Variants in JADE3 observed in about 807,000 individuals in gnomAD.
JADE3 encodes protein Jade-3.
In JADE3, 2 loss-of-function variants were observed where a neutral mutation model predicts 50.1. That is an observed-to-expected ratio of 0.04 (90% CI 0.02 to 0.13). The LOEUF is 0.13. JADE3 is among the 10% of genes least tolerant of loss of function. The probability of loss-of-function intolerance (pLI) is 1.00; values close to 1 mark genes in which losing one functional copy is unlikely to be tolerated. For missense variants in JADE3, 475 were observed against 634.4 expected (o/e 0.75, Z 2.70); for synonymous variants, 218 against 232.9 (o/e 0.94, Z 0.58).
intron 1 of JADE3, among the ~76,000 whole-genome samples, chrX:46,983,746 A>G (rs1291769345): frequency 9.0e-6 from 1 of 111,601 alleles, no homozygotes; most frequent in Non-Finnish European, 1.9e-5. Flanking sequence ...TAAGTACTTC[A>G]TTTGCTGTAT....
chrX:47,044,892 G>A (rs782385389), intron 8 of JADE3, among the ~76,000 whole-genome samples: 2 of 111,223 alleles, frequency 1.8e-5, no homozygotes, highest in Admixed American at 9.6e-5. Context: ...GATATTATCC[G>A]CAAGGCCCAT....
intron 1 of JADE3, among the ~76,000 whole-genome samples, chrX:46,923,393 C>CTCTCTCTTTTTTTTTTTTTTTTTTT (rs1556338199): frequency 8.7e-5 from 1 of 11,522 alleles, no homozygotes; most frequent in Non-Finnish European, 2.0e-4. Context: ...CTCTCTCTCT[C>CTCTCTCTTTTTTTTTTTTTTTTTTT]TTTTTTTTTT....
chrX:46,985,984 G>A lies in JADE3; in HGVS notation c.126+192G>A, dbSNP rs1927853831. Among the ~76,000 whole-genome samples the A allele has an allele frequency of 2.7e-5, 3 of 110,814 alleles. No individual in the cohort carries two copies. The South Asian group carries it at 1.2e-3, about 43-fold the overall frequency. Reference sequence around the variant, plus strand: ...GGGGGGTAAGTGAGTTTTTCACTCCGTTAGTTCCCTTCAGAGCTGGTTGTT... The same window carrying A: ...GGGGGGTAAGTGAGTTTTTCACTCCATTAGTTCCCTTCAGAGCTGGTTGTT... On this transcript the variant is annotated intron_variant, in intron 3 of 10. Coordinates refer to ENST00000614628, the MANE Select transcript of JADE3 (RefSeq NM_014735.5).
intron 1 of JADE3, among the ~76,000 whole-genome samples, chrX:46,958,589 A>G (rs191359870): frequency 1.0e-3 from 113 of 111,628 alleles, no homozygotes; most frequent in African/African-American, 3.5e-3. Flanking sequence ...AATTTTCTCA[A>G]TAAATGAGTG....
intron 1 of JADE3, among the ~76,000 whole-genome samples, chrX:46,948,420 T>G: frequency 8.9e-6 from 1 of 112,150 alleles, no homozygotes; most frequent in East Asian, 2.8e-4. Context: ...AAATTCTGCC[T>G]GTGTAAAGGA....
intron 4 of JADE3, among the ~76,000 whole-genome samples, chrX:47,002,258 C>T (rs192763444): frequency 9.0e-6 from 1 of 111,146 alleles, no homozygotes; most frequent in East Asian, 2.8e-4. Context: ...AATGCGTGAA[C>T]CATTTTGAAT....
At chrX:47,038,335 T>C (rs782297169) in intron 7 of JADE3, among the ~76,000 whole-genome samples, 22 of 111,066 alleles carry the variant, frequency 2.0e-4, no homozygotes, top group Non-Finnish European at 3.4e-4. Context: ...CTGGATAATA[T>C]GGTAGCTCTA....
chrX:47,049,168 C>T (rs1446944940), intron 8 of JADE3, among the ~76,000 whole-genome samples: 1 of 102,182 alleles, frequency 9.8e-6, no homozygotes, highest in Non-Finnish European at 2.0e-5. Flanking sequence ...ATCTGACTGG[C>T]ACCTTTCTTC....
intron 1 of JADE3, among the ~76,000 whole-genome samples, chrX:46,977,042 G>C (rs1927642240): frequency 8.9e-6 from 1 of 111,908 alleles, no homozygotes; most frequent in Admixed American, 9.5e-5. Context: ...CATACAAAAA[G>C]CTGTACATAG....
intron 9 of JADE3, among the ~76,000 whole-genome samples, chrX:47,055,771 T>C (rs1757347972): frequency 8.9e-6 from 1 of 112,424 alleles, no homozygotes; most frequent in African/African-American, 3.2e-5. Context: ...AAGGGAAGGC[T>C]GAATTGTTAA....
chrX:47,028,097 G>A lies in JADE3; in HGVS notation c.681G>A (p.Val227=). The change falls in exon 6 of 11, where the codon GTG becomes GTA. Residue 227 remains valine, a synonymous_variant. Transcript: ENST00000614628. The stretch of plus-strand genomic sequence containing the variant: ...TCTGTGATAAGTGTAACGTCTGTGT[G>A]CATCAGGTTAGTGAGAGTGGAGACC... ...MVFCDKCNVC[V]HQACYGILKV... is the part of the protein sequence containing the mutation. 8.4e-7 allele frequency: 1 copy of A among 1,196,224 alleles called. No individual in the cohort carries two copies. The highest frequency in any genetic ancestry group is 1.1e-6 in the Non-Finnish European group (1 of 881,918).
chrX:46,933,946 G>A (rs187455140), intron 1 of JADE3, among the ~76,000 whole-genome samples: 94 of 111,072 alleles, frequency 8.5e-4, no homozygotes, highest in African/African-American at 3.0e-3. Flanking sequence ...TTTTGCCCAA[G>A]TATTAGTTCA....
chrX:46,967,217 G>C (rs1280173234), intron 1 of JADE3, among the ~76,000 whole-genome samples: 2 of 112,128 alleles, frequency 1.8e-5, no homozygotes, highest in Non-Finnish European at 3.8e-5. Context: ...TTAAACTGCA[G>C]ATTTTCAGAT....
At chrX:46,952,731 C>T (rs1365308913) in intron 1 of JADE3, among the ~76,000 whole-genome samples, 2 of 112,207 alleles carry the variant, frequency 1.8e-5, no homozygotes, top group Non-Finnish European at 3.8e-5. Context: ...GGTGCGGTGG[C>T]TCACGCCTGT....
chrX:46,967,172 G>A (rs1014787059), intron 1 of JADE3, among the ~76,000 whole-genome samples: 1 of 112,356 alleles, frequency 8.9e-6, no homozygotes, highest in African/African-American at 3.2e-5. Context: ...ACTAGACCAA[G>A]TTAATTTATT....
intron 1 of JADE3, among the ~76,000 whole-genome samples, chrX:46,934,260 C>T (rs1047504829): frequency 3.6e-5 from 4 of 110,345 alleles, no homozygotes; most frequent in East Asian, 2.8e-4. Flanking sequence ...CTCAGCCTCC[C>T]GAGTAGGTGG....
intron 4 of JADE3, among the ~76,000 whole-genome samples, chrX:47,007,305 G>A: frequency 8.9e-6 from 1 of 111,743 alleles, no homozygotes; most frequent in Non-Finnish European, 1.9e-5. Flanking sequence ...GTTAGTTGGT[G>A]GTAGTGTTGA....
chrX:46,997,629 G>C (rs1204247205), intron 3 of JADE3, among the ~76,000 whole-genome samples: 1 of 112,147 alleles, frequency 8.9e-6, no homozygotes, highest in African/African-American at 3.2e-5. Context: ...TACTTTCCTG[G>C]TTTAGGTAAT....
intron 1 of JADE3, among the ~76,000 whole-genome samples, chrX:46,944,315 T>G (rs1556342823): frequency 9.3e-6 from 1 of 108,043 alleles, no homozygotes; most frequent in African/African-American, 3.4e-5. Context: ...TTCTTTTTTT[T>G]TTTTTTTGAG....
Sources: gnomAD v4.1 joint callset for allele counts (sites outside exome capture counted in the v4.1 genomes callset) on GRCh38, gnomAD v4.1.1 for gene constraint, MANE v1.5 for transcripts, NCBI Gene and HGNC (gene_info 2026-07-23, HGNC 2026-07-21) for gene names.